Variants in MYLK observed in about 807,000 individuals in gnomAD.
MYLK encodes myosin light chain kinase.
Under a neutral mutation model 203.4 loss-of-function variants are expected in MYLK, and 106 were observed. The ratio of observed to expected loss-of-function variants is 0.52; its 90% CI spans 0.45 to 0.61. The LOEUF is 0.61. Among genes scored for constraint, MYLK ranks in the 20% least tolerant of loss-of-function variants. The pLI, the probability that MYLK is intolerant of heterozygous loss-of-function variation, is 0.00. For synonymous variants in MYLK, 867 were observed against 959.5 expected (o/e 0.90, Z 1.78); for missense variants, 2,072 against 2,442.3 (o/e 0.85, Z 3.20).
rs1018819969 is a variant in MYLK, at chr3:123,642,430, C to T, written c.4620-1926G>A. ...GTCACTGACCCCTGCAGGAGAGAGA[C>T]AGGGATGCACTGTGGGGCCCAGCAT... On this transcript the variant is annotated intron_variant, in intron 27 of 33. Transcript: ENST00000360304. The surrounding 1 kb of genome is among the most constrained non-coding windows in gnomAD (Gnocchi z 4.2). 5.3e-5 allele frequency among the ~76,000 whole-genome samples: 8 copies of T among 152,194 alleles called. No homozygotes were observed. Among genetic ancestry groups the T allele is most frequent in the African/African-American group, 1.9e-4 (8 of 41,456 alleles).
chr3:123,814,891 C>A (rs972542710), intron 3 of MYLK, among the ~76,000 whole-genome samples: 7 of 152,122 alleles, frequency 4.6e-5, no homozygotes, highest in Non-Finnish European at 1.0e-4. Context: ...CTCCCAGGTT[C>A]AAGCAAGTCT....
chr3:123,764,939 T>C (rs1056502464), intron 4 of MYLK, among the ~76,000 whole-genome samples: 1 of 152,338 alleles, frequency 6.6e-6, no homozygotes, highest in South Asian at 2.1e-4. Context: ...ATCCACGAGT[T>C]TGTTGACATC....
rs115397864 is a variant in MYLK at position 123,706,224 on chromosome 3, C to T, written c.2390+1530G>A. Among the ~76,000 whole-genome samples, 479 of 152,208 alleles carry T rather than the reference C, an allele frequency of 3.1e-3. 5 individuals are homozygous for T. Among genetic ancestry groups the T allele is most frequent in the African/African-American group, 0.011 (461 of 41,532 alleles). ...ATAATGAAACTGCTTTAAAAATAAACGAGCTATTTTTAATAGTTATTAAGT... is the reference window on the plus strand; with the variant it reads ...ATAATGAAACTGCTTTAAAAATAAATGAGCTATTTTTAATAGTTATTAAGT... On this transcript the variant is annotated intron_variant, in intron 16 of 33. Transcript: ENST00000360304.
At chr3:123,712,754 A>AT (rs1280426503) in intron 13 of MYLK, among the ~76,000 whole-genome samples, 4 of 152,180 alleles carry the variant, frequency 2.6e-5, no homozygotes, top group African/African-American at 4.8e-5. Context: ...CCACTTCCTC[A>AT]TCGGTCTCTA....
Position 123,810,763 on chromosome 3 carries a change from C to T in MYLK, c.-3-16919G>A, listed in dbSNP as rs1337129053. ...CTTGGCTGTCCTCATGTGACTCACA[C>T]AGGCCCTTCCACACCATGCCCTGCC... On this transcript the variant is annotated intron_variant, in intron 3 of 33. Transcript: ENST00000360304. Among the ~76,000 whole-genome samples the T allele has an allele frequency of 5.9e-5, 9 of 152,362 alleles. No individual in the cohort carries two copies. In the East Asian group the frequency reaches 1.7e-3, roughly 29 times the overall value.
chr3:123,865,855 A>T (rs1027756154), intron 2 of MYLK, among the ~76,000 whole-genome samples: 4 of 152,166 alleles, frequency 2.6e-5, no homozygotes, highest in Admixed American at 1.3e-4. Flanking sequence ...GAGGCCAGGT[A>T]ATAAAAGACC....
chr3:123,733,923 G>A lies in MYLK; in HGVS notation c.1073C>T (p.Ala358Val), dbSNP rs2062582638. The change falls in exon 10 of 34, where the codon GCA (alanine) becomes GTA (valine). Residue 358 changes from alanine to valine, a missense_variant. Ala to Val is a moderately conservative substitution (Grantham distance 64, BLOSUM62 0). This residue lies in a region of MYLK where 683 missense variants were observed against 643.8 expected (regional missense o/e 1.06). Coordinates refer to ENST00000360304, the MANE Select transcript of MYLK (RefSeq NM_053025.4). The stretch of plus-strand genomic sequence containing the variant: ...AGGTGATAGGACCCCCAGGCCTGGT[G>A]CTCTTGGTTCCGGCTGAACTCTTGC... ...QAARVQPEPR[A>V]PGLGVLSPSG... 1.2e-6 allele frequency: 2 copies of A among 1,614,094 alleles called. No homozygotes were observed. Among genetic ancestry groups the A allele is most frequent in the South Asian group, 1.1e-5 (1 of 91,078 alleles).
At chr3:123,824,931 T>C (rs554745573) in intron 3 of MYLK, among the ~76,000 whole-genome samples, 1 of 152,070 alleles carries the variant, frequency 6.6e-6, no homozygotes, top group African/African-American at 2.4e-5. Context: ...GGAGGATTGC[T>C]TGAGCCCAGG....
intron 13 of MYLK, among the ~76,000 whole-genome samples, chr3:123,712,073 G>T (rs781414058): frequency 1.6e-4 from 25 of 152,206 alleles, no homozygotes; most frequent in Non-Finnish European, 3.1e-4. Context: ...GTGAGAGCAG[G>T]TAACCCCCCA....
At chr3:123,825,847 C>T (rs1472321433) in intron 3 of MYLK, among the ~76,000 whole-genome samples, 1 of 152,350 alleles carries the variant, frequency 6.6e-6, no homozygotes, top group Non-Finnish European at 1.5e-5. Context: ...GAACAATCTG[C>T]CAGTTCTGCC....
intron 3 of MYLK, among the ~76,000 whole-genome samples, chr3:123,815,192 T>C (rs1032351468): frequency 1.3e-5 from 2 of 152,174 alleles, no homozygotes; most frequent in Non-Finnish European, 2.9e-5. Context: ...GGCTCTTGCA[T>C]CCAGGTCCTC....
At chr3:123,785,142 T>C (rs2064462615) in intron 4 of MYLK, among the ~76,000 whole-genome samples, 1 of 152,246 alleles carries the variant, frequency 6.6e-6, no homozygotes, top group Non-Finnish European at 1.5e-5. Context: ...AGAGCTAATA[T>C]GTCCTTCAAT....
chr3:123,791,308 C>T (rs2064771965), intron 4 of MYLK, among the ~76,000 whole-genome samples: 1 of 152,202 alleles, frequency 6.6e-6, no homozygotes, highest in Admixed American at 6.5e-5. Flanking sequence ...AGGCTAACAC[C>T]ACCTAACTTT....
At chr3:123,707,641 A>C (rs1159794519) in intron 16 of MYLK, 113 bp downstream of exon 16, 1 of 1,544,098 alleles carries the variant, frequency 6.5e-7, no homozygotes, top group Non-Finnish European at 8.9e-7. Flanking sequence ...CTTTACCTGG[A>C]AGTCCAAGCC....
At chr3:123,717,286 CA>C (rs1162851978) in intron 13 of MYLK, among the ~76,000 whole-genome samples, 5 of 152,234 alleles carry the variant, frequency 3.3e-5, no homozygotes, top group African/African-American at 1.2e-4. Flanking sequence ...AATCTGAAAA[CA>C]AACTGTGCCT....
intron 19 of MYLK, among the ~76,000 whole-genome samples, chr3:123,683,816 G>A (rs192246528): frequency 7.9e-5 from 12 of 152,238 alleles, no homozygotes; most frequent in Admixed American, 2.0e-4. Flanking sequence ...CGGGGTGTTG[G>A]GGGGAGCAGA....
Position 123,725,894 on chromosome 3 carries a change from C to T in MYLK, c.1651+50G>A. Reference sequence around the variant, plus strand: ...GGGATAAGTGAGAATTCAGGCAGCGCCAAAGGGCCCAGGGGATGGGAGCAG... The same window carrying T: ...GGGATAAGTGAGAATTCAGGCAGCGTCAAAGGGCCCAGGGGATGGGAGCAG... On this transcript the variant is annotated intron_variant, in intron 12 of 33. Transcript: ENST00000360304. The T allele has an allele frequency of 3.8e-6, 6 of 1,597,838 alleles. 1 individual carries two copies. Among genetic ancestry groups the T allele is most frequent in the Non-Finnish European group, 5.1e-6 (6 of 1,170,082 alleles).
intron 24 of MYLK, among the ~76,000 whole-genome samples, chr3:123,653,242 C>T (rs1010337971): frequency 5.9e-5 from 9 of 152,112 alleles, no homozygotes; most frequent in Admixed American, 5.9e-4. Flanking sequence ...TCTGCCAACA[C>T]ACACACACAC....
intron 3 of MYLK, among the ~76,000 whole-genome samples, chr3:123,797,615 G>A (rs749446925): frequency 6.6e-6 from 1 of 152,160 alleles, no homozygotes; most frequent in Non-Finnish European, 1.5e-5. Context: ...ATGAAGGTGG[G>A]GACAGGTATC....
Sources: allele counts gnomAD v4.1 joint callset (sites outside exome capture counted in the v4.1 genomes callset), GRCh38; gene constraint gnomAD v4.1.1; regional missense constraint gnomAD v4.1.1; non-coding constraint Gnocchi (gnomAD v3.1); transcripts MANE v1.5; gene names NCBI Gene and HGNC (gene_info 2026-07-23, HGNC 2026-07-21).